The following PDE4D variants were observed in gnomAD, a reference collection of about 807,000 sequenced individuals.
PDE4D encodes phosphodiesterase 4D.
A neutral mutation model predicts 87.4 loss-of-function variants in PDE4D; 24 were observed. That is an observed-to-expected ratio of 0.27 (90% confidence interval 0.20 to 0.39). The LOEUF (loss-of-function observed/expected upper bound fraction) is 0.39, where lower values mean the gene tolerates loss of function less well. PDE4D is among the 10% of genes least tolerant of loss of function. The pLI is 1.00. For synonymous variants in PDE4D, 384 were observed against 383.2 expected (o/e 1.00, Z -0.02); for missense variants, 714 against 1,041.0 (o/e 0.69, Z 4.32).
At chr5:60,063,095 GAAGAAAGAAAGA>G (rs34450673) in intron 2 of PDE4D, among the ~76,000 whole-genome samples, 9,892 of 96,852 alleles carry the variant, frequency 0.1, 560 homozygotes, top group African/African-American at 0.13. Flanking sequence ...AAGAAAGAAA[GAAGAAAGAAAGA>G]AAGAAAGAAA....
intron 6 of PDE4D, among the ~76,000 whole-genome samples, chr5:59,012,809 G>C (rs1052859888): frequency 1.2e-4 from 19 of 152,114 alleles, no homozygotes; most frequent in Admixed American, 1.2e-3. Flanking sequence ...GGACCTAATA[G>C]ACATCTACAG....
chr5:60,474,131 TATATATATATATATATATAACA>T lies in PDE4D; in HGVS notation c.-90+13789_-90+13810del, dbSNP rs1266344135. Among the ~76,000 whole-genome samples the T allele has an allele frequency of 5.1e-4, 52 of 101,726 alleles. 1 individual carries two copies. Among genetic ancestry groups the T allele is most frequent in the African/African-American group, 2.2e-3 (41 of 18,262 alleles). 66.7% of individuals were successfully genotyped at this position (101,726 alleles called of 152,430 possible). On this transcript the variant is annotated intron_variant, in intron 1 of 16. Transcript: ENST00000502484. The stretch of plus-strand genomic sequence containing the variant: ...ATATATATATATATATATATATATA[TATATATATATATATATATAACA>T]AAAACCTTAGACTGGGCAATTTATA...
chr5:59,441,393 G>C (rs1797594662), intron 1 of PDE4D, among the ~76,000 whole-genome samples: 1 of 152,300 alleles, frequency 6.6e-6, no homozygotes, highest in East Asian at 1.9e-4. Flanking sequence ...CACTGCACCT[G>C]GCCCTGAATC....
At chr5:60,399,411 G>A (rs1306596843) in intron 1 of PDE4D, among the ~76,000 whole-genome samples, 1 of 152,186 alleles carries the variant, frequency 6.6e-6, no homozygotes, top group East Asian at 1.9e-4. Flanking sequence ...TCAGACTGTG[G>A]CCTTCTGGTA....
At chr5:60,504,592 G>A (rs773276740) in intron 1 of PDE4D, among the ~76,000 whole-genome samples, 1 of 152,146 alleles carries the variant, frequency 6.6e-6, no homozygotes, top group Admixed American at 6.5e-5. Context: ...AACCATCTAA[G>A]TGCAGTCGGA....
At chr5:60,042,458 T>C (rs1768634223) in intron 2 of PDE4D, among the ~76,000 whole-genome samples, 2 of 152,178 alleles carry the variant, frequency 1.3e-5, no homozygotes, top group African/African-American at 2.4e-5. Flanking sequence ...AGGGACACAA[T>C]GCTTCCTCAA....
intron 5 of PDE4D, among the ~76,000 whole-genome samples, chr5:59,130,062 T>G (rs1776057798): frequency 6.6e-6 from 1 of 152,202 alleles, no homozygotes; most frequent in Non-Finnish European, 1.5e-5. Flanking sequence ...ATTTCCCCCC[T>G]TATAACCAGA....
intron 5 of PDE4D, among the ~76,000 whole-genome samples, chr5:59,041,889 C>T (rs987737048): frequency 1.3e-5 from 2 of 152,186 alleles, no homozygotes; most frequent in Non-Finnish European, 2.9e-5. Context: ...ACATCATGCA[C>T]TTTATACACA....
intron 1 of PDE4D, among the ~76,000 whole-genome samples, chr5:60,516,225 GAAC>G (rs756772699): frequency 2.3e-4 from 35 of 152,336 alleles, no homozygotes; most frequent in South Asian, 8.3e-4. Context: ...AAAAATATGA[GAAC>G]AACAATGTAA....
intron 2 of PDE4D, among the ~76,000 whole-genome samples, chr5:60,100,966 T>C (rs139546213): frequency 6.6e-6 from 1 of 152,198 alleles, no homozygotes; most frequent in East Asian, 1.9e-4. Context: ...TAACAGCTTT[T>C]TGTGATTTGG....
rs183150335 is a variant in PDE4D, at chr5:59,778,226, C to G, written c.455+114942G>C. Among the ~76,000 whole-genome samples, 298 of 152,252 alleles carry G rather than the reference C, an allele frequency of 2.0e-3. 2 individuals carry two copies. Among genetic ancestry groups the G allele is most frequent in the African/African-American group, 6.9e-3 (287 of 41,552 alleles). On this transcript the variant is annotated intron_variant, in intron 1 of 14. Coordinates refer to ENST00000340635, the MANE Select transcript of PDE4D (RefSeq NM_001104631.2). ...GTATGAAACATGCGAAGGACACTTA[C>G]CATCAAGATTCACTACCACACTATT...
chr5:59,226,055 T>G (rs1048277341), intron 1 of PDE4D, among the ~76,000 whole-genome samples: 4 of 151,776 alleles, frequency 2.6e-5, no homozygotes, highest in African/African-American at 9.7e-5. Flanking sequence ...ATGGTGGGAC[T>G]GTAAAGTGAT....
chr5:60,434,145 T>A (rs1008330460), intron 1 of PDE4D, among the ~76,000 whole-genome samples: 1 of 152,174 alleles, frequency 6.6e-6, no homozygotes, highest in Non-Finnish European at 1.5e-5. Context: ...ATTTAAGAGA[T>A]GACACTTGAA....
At chr5:59,668,007 C>A (rs1746360103) in intron 1 of PDE4D, among the ~76,000 whole-genome samples, 1 of 152,182 alleles carries the variant, frequency 6.6e-6, no homozygotes, top group African/African-American at 2.4e-5. Flanking sequence ...GTTTATACTT[C>A]TGTGGAAATC....
chr5:60,441,004 C>A (rs1458501155), intron 1 of PDE4D, among the ~76,000 whole-genome samples: 2 of 151,964 alleles, frequency 1.3e-5, no homozygotes, highest in African/African-American at 4.8e-5. Context: ...GATCTTTGAG[C>A]AAGAATGTGG....
At chr5:59,807,036 G>A (rs1561692798) in intron 1 of PDE4D, among the ~76,000 whole-genome samples, 1 of 152,134 alleles carries the variant, frequency 6.6e-6, no homozygotes, top group African/African-American at 2.4e-5. Context: ...CAGTTTCATT[G>A]ACTGCCCAGG....
chr5:58,999,755 A>G (rs1331819986), intron 6 of PDE4D: 2 of 1,037,204 alleles, frequency 1.9e-6, no homozygotes, highest in Non-Finnish European at 2.3e-6. Flanking sequence ...AGACTCCAGA[A>G]TGGCACAAAA....
At chr5:60,338,398 C>T (rs1758007430) in intron 1 of PDE4D, among the ~76,000 whole-genome samples, 2 of 152,304 alleles carry the variant, frequency 1.3e-5, no homozygotes, top group Non-Finnish European at 2.9e-5. Flanking sequence ...CTGCTGCCGC[C>T]GCCACTGAAA....
chr5:59,987,549 C>T (rs1374952810), intron 3 of PDE4D: 3 of 152,204 alleles, frequency 2.0e-5, no homozygotes, highest in Middle Eastern at 3.2e-3. Flanking sequence ...GCACAACCTT[C>T]CTAACTTTAA....
Sources: gnomAD v4.1 joint callset for allele counts (sites outside exome capture counted in the v4.1 genomes callset) on GRCh38, gnomAD v4.1.1 for gene constraint, MANE v1.5 for transcripts, NCBI Gene and HGNC (gene_info 2026-07-23, HGNC 2026-07-21) for gene names.